The following CDH8 variants were observed in gnomAD, a reference collection of about 807,000 sequenced individuals.
CDH8 encodes the protein cadherin-8.
Under a neutral mutation model 68.1 loss-of-function variants are expected in CDH8, and 17 were observed. The observed-to-expected ratio is 0.25, with a 90% CI of 0.17 to 0.37. The LOEUF is 0.37. CDH8 is among the 10% of genes least tolerant of loss of function. The probability of loss-of-function intolerance (pLI) is 1.00; values close to 1 mark genes in which losing one functional copy is unlikely to be tolerated. For synonymous variants in CDH8, 372 were observed against 365.1 expected (o/e 1.02, Z -0.21); for missense variants, 763 against 999.3 (o/e 0.76, Z 3.19).
At chr16:62,031,836 G>T (rs777960451) in intron 1 of CDH8, among the ~76,000 whole-genome samples, 1 of 152,164 alleles carries the variant, frequency 6.6e-6, no homozygotes, top group Non-Finnish European at 1.5e-5. Flanking sequence ...AAGCAACAGA[G>T]ATTTAGTTAG....
intron 2 of CDH8, among the ~76,000 whole-genome samples, chr16:61,990,077 A>C (rs1965690077): frequency 6.6e-6 from 1 of 152,214 alleles, no homozygotes; most frequent in African/African-American, 2.4e-5. Flanking sequence ...TTAGAAGATT[A>C]ACTGATGTGT....
At chr16:61,993,050 A>G (rs75259053) in intron 2 of CDH8, among the ~76,000 whole-genome samples, 2,034 of 152,278 alleles carry the variant, frequency 0.013, 23 homozygotes, top group East Asian at 0.049. Flanking sequence ...CTTCCAAAGT[A>G]CTGGGATTAC....
intron 3 of CDH8, among the ~76,000 whole-genome samples, chr16:61,862,156 C>A (rs1335335665): frequency 2.0e-5 from 3 of 151,902 alleles, no homozygotes; most frequent in Non-Finnish European, 4.4e-5. Flanking sequence ...CACACACACA[C>A]ACACACACAC....
At chr16:62,031,456 G>T (rs1255513119) in intron 1 of CDH8, among the ~76,000 whole-genome samples, 1 of 151,730 alleles carries the variant, frequency 6.6e-6, no homozygotes, top group South Asian at 2.1e-4. Flanking sequence ...ATTTCTTATC[G>T]CATAAAATAA....
intron 10 of CDH8, among the ~76,000 whole-genome samples, chr16:61,706,481 C>A (rs948540917): frequency 6.6e-6 from 1 of 151,800 alleles, no homozygotes; most frequent in Non-Finnish European, 1.5e-5. Flanking sequence ...ATTAGCCGGG[C>A]GTGGTGGCGG....
chr16:61,751,448 T>A (rs1220777817), intron 8 of CDH8, among the ~76,000 whole-genome samples: 2 of 115,396 alleles, frequency 1.7e-5, no homozygotes, highest in East Asian at 2.7e-4. Flanking sequence ...TACTTAAACA[T>A]GACACTCTTA....
At chr16:61,706,388 C>A (rs868511493) in intron 10 of CDH8, among the ~76,000 whole-genome samples, 1 of 151,876 alleles carries the variant, frequency 6.6e-6, no homozygotes, top group African/African-American at 2.4e-5. Context: ...GAGGCCGAGG[C>A]GGGCGGATCA....
intron 3 of CDH8, among the ~76,000 whole-genome samples, chr16:61,857,565 T>C (rs957797329): frequency 5.3e-5 from 8 of 152,148 alleles, no homozygotes; most frequent in African/African-American, 1.9e-4. Context: ...GAATATGAAA[T>C]ATAAGGTTAA....
intron 8 of CDH8, among the ~76,000 whole-genome samples, chr16:61,773,237 A>T (rs185284424): frequency 3.9e-4 from 59 of 152,204 alleles, no homozygotes; most frequent in African/African-American, 1.2e-3. Context: ...ATCTTCACAG[A>T]GAACACTGTC....
intron 2 of CDH8, among the ~76,000 whole-genome samples, chr16:61,935,726 T>C (rs1343012350): frequency 1.3e-5 from 2 of 152,166 alleles, no homozygotes; most frequent in African/African-American, 4.8e-5. Context: ...CACCTAAGTA[T>C]GTAAGACACT....
At chr16:61,771,872 T>A (rs1235633850) in intron 8 of CDH8, among the ~76,000 whole-genome samples, 1 of 151,936 alleles carries the variant, frequency 6.6e-6, no homozygotes, top group Non-Finnish European at 1.5e-5. Flanking sequence ...GAAATTCATA[T>A]CTATTTGACT....
chr16:61,715,228 T>C (rs1964702848), intron 9 of CDH8, among the ~76,000 whole-genome samples: 1 of 151,690 alleles, frequency 6.6e-6, no homozygotes, highest in African/African-American at 2.4e-5. Flanking sequence ...TAATTATAAT[T>C]ATTCTTAGCT....
chr16:62,018,538 G>T (rs562617808), intron 2 of CDH8, among the ~76,000 whole-genome samples: 1 of 152,296 alleles, frequency 6.6e-6, no homozygotes, highest in African/African-American at 2.4e-5. Context: ...TTCGCACTCA[G>T]CCTGACTCAT....
chr16:61,667,624 T>TCAAAG (rs2142770792), intron 10 of CDH8: 1 of 152,102 alleles, frequency 6.6e-6, no homozygotes, highest in Admixed American at 6.6e-5. Context: ...GAGGAGAGCA[T>TCAAAG]GGCCCTGCCC....
intron 2 of CDH8, among the ~76,000 whole-genome samples, chr16:61,935,766 C>G (rs1308419316): frequency 6.6e-6 from 1 of 151,944 alleles, no homozygotes; most frequent in Non-Finnish European, 1.5e-5. Context: ...CTCTGTGCAC[C>G]TTGAAAAAAG....
rs71707137 is a variant in CDH8, at chr16:61,822,205, C to CTTTTTTT, written c.836-1099_836-1093dup. ...TGTAGTAACTGGCTCAAAAACGCAC[C>CTTTTTTT]TTTTTTTTTTTTTTTTTTTTTTTTT... On this transcript the variant is annotated intron_variant, in intron 5 of 11. Coordinates refer to ENST00000577390, the MANE Select transcript of CDH8 (RefSeq NM_001796.5). Among the ~76,000 whole-genome samples the CTTTTTTT allele has an allele frequency of 1.0e-3, 47 of 45,628 alleles. 5 individuals are homozygous for CTTTTTTT. Among genetic ancestry groups the CTTTTTTT allele is most frequent in the East Asian group, 2.4e-3 (3 of 1,234 alleles). The allele number at this position is 45,628 out of a possible 152,430, so 29.9% of individuals were successfully genotyped here. A position where few individuals can be genotyped will look rare whatever the true frequency, so the allele number is the denominator to read the frequency against.
chr16:61,866,509 T>G (rs1333278018), intron 3 of CDH8, among the ~76,000 whole-genome samples: 1 of 152,036 alleles, frequency 6.6e-6, no homozygotes, highest in African/African-American at 2.4e-5. Context: ...AGATATATAG[T>G]GTATACACTA....
rs149136500 is a variant in CDH8 at position 61,800,953 on chromosome 16, G to C, written c.1278-11471C>G. On this transcript the variant is annotated intron_variant, in intron 7 of 11. Coordinates refer to ENST00000577390, the MANE Select transcript of CDH8 (RefSeq NM_001796.5). The stretch of plus-strand genomic sequence containing the variant: ...CAGATAAGGATGTCAATCTCCCTTT[G>C]TCATGATGCAAAATAGAGGATTTAT... Among the ~76,000 whole-genome samples, 849 of 152,180 alleles carry C rather than the reference G, an allele frequency of 5.6e-3. 6 individuals carry two copies. The highest frequency in any genetic ancestry group is 0.02 in the African/African-American group (817 of 41,500).
At chr16:61,781,216 TTTC>T (rs1479281550) in intron 8 of CDH8, among the ~76,000 whole-genome samples, 1 of 152,228 alleles carries the variant, frequency 6.6e-6, no homozygotes, top group Non-Finnish European at 1.5e-5. Flanking sequence ...TCCTGAAATG[TTTC>T]TTAAGCCAAG....
Sources: gnomAD v4.1 joint callset for allele counts (sites outside exome capture counted in the v4.1 genomes callset) on GRCh38, gnomAD v4.1.1 for gene constraint, MANE v1.5 for transcripts, NCBI Gene and HGNC (gene_info 2026-07-23, HGNC 2026-07-21) for gene names.